The following SGCD variants were observed in gnomAD, a reference collection of about 807,000 sequenced individuals.
SGCD encodes sarcoglycan delta.
SGCD carries 18 observed loss-of-function variants against 36.6 expected under a neutral mutation model. The ratio of observed to expected loss-of-function variants is 0.49; its 90% CI spans 0.34 to 0.73. The LOEUF is 0.73. Among genes scored for constraint, SGCD ranks in the 30% least tolerant of loss-of-function variants. SGCD has a pLI of 0.01. For missense variants in SGCD, 387 were observed against 346.7 expected (o/e 1.12, Z -0.92); for synonymous variants, 133 against 130.6 (o/e 1.02, Z -0.12).
At chr5:155,744,684 C>T in the SGCD span, among the ~76,000 whole-genome samples, 1 of 152,188 alleles carries the variant, frequency 6.6e-6, no homozygotes, top group Middle Eastern at 3.4e-3. Flanking sequence ...AACAGGAAGA[C>T]ATTACCCCAG....
intron 3 of SGCD, among the ~76,000 whole-genome samples, chr5:156,449,677 C>CAAAAAAAAAAAAAA (rs397883573): frequency 2.8e-4 from 13 of 46,046 alleles, no homozygotes; most frequent in Admixed American, 9.1e-4. Flanking sequence ...ACTAAAAATA[C>CAAAAAAAAAAAAAA]AAAAAAAAAA....
chr5:156,181,968 C>T (rs6894870), intron 3 of SGCD, among the ~76,000 whole-genome samples: 4,008 of 152,208 alleles, frequency 0.026, 186 homozygotes, highest in African/African-American at 0.092. Flanking sequence ...AAATCATATG[C>T]GAGAGGCTTG....
rs1561685091 is a variant in SGCD at position 156,423,152 on chromosome 5, T to TTAATAATTAA, written c.192+78477_192+78478insATAATTAATA. Among the ~76,000 whole-genome samples, 11 of 80,522 alleles carry TTAATAATTAA rather than the reference T, an allele frequency of 1.4e-4. No homozygotes were observed. In the South Asian group the frequency reaches 3.4e-3, roughly 25 times the overall value. 52.8% of individuals were successfully genotyped at this position (80,522 alleles called of 152,430 possible). On this transcript the variant is annotated intron_variant, in intron 3 of 8. Transcript: ENST00000337851. ...TAATTAATAATTAATATTTAATTAATTATTTAAATATTATATTTAATATAA... is the reference window on the plus strand; with the variant it reads ...TAATTAATAATTAATATTTAATTAATTAATAATTAATATTTAAATATTATATTTAATATAA...
rs1766407257 is a variant in SGCD at position 156,279,895 on chromosome 5, G to A, written c.-43-49639G>A. On this transcript the variant is annotated intron_variant, in intron 3 of 9. Transcript: ENST00000517913. ...ACACCAAGTCATGATGGGTATCCCA[G>A]AAATAATTTACATAGGAATTTCCAC... 5.3e-5 allele frequency among the ~76,000 whole-genome samples: 8 copies of A among 152,084 alleles called. No homozygotes were observed. The South Asian group carries it at 1.7e-3, about 32-fold the overall frequency.
At chr5:156,181,921 C>G (rs186755805) in intron 3 of SGCD, among the ~76,000 whole-genome samples, 91 of 152,312 alleles carry the variant, frequency 6.0e-4, no homozygotes, top group Middle Eastern at 3.4e-3. Flanking sequence ...CTGAGCATGT[C>G]ATATGTAAAC....
At chr5:156,716,426 AG>A (rs1209631908) in intron 7 of SGCD, among the ~76,000 whole-genome samples, 1 of 152,182 alleles carries the variant, frequency 6.6e-6, no homozygotes, top group Non-Finnish European at 1.5e-5. Context: ...TGATTTCCAG[AG>A]GGGACTTGAA....
At chr5:155,787,762 A>G in the SGCD span, among the ~76,000 whole-genome samples, 3 of 152,270 alleles carry the variant, frequency 2.0e-5, no homozygotes, top group South Asian at 6.2e-4. Flanking sequence ...ACACCCATCT[A>G]CTGCAGCACT....
chr5:156,487,788 C>CAAAAAAAAAAAAA (rs56006984), intron 3 of SGCD, among the ~76,000 whole-genome samples: 1 of 41,388 alleles, frequency 2.4e-5, no homozygotes, highest in African/African-American at 6.0e-5. Context: ...ACTCTGTCAC[C>CAAAAAAAAAAAAA]AAAAAAAAAA....
chr5:156,424,921 T>C (rs1773601992), intron 3 of SGCD, among the ~76,000 whole-genome samples: 1 of 152,078 alleles, frequency 6.6e-6, no homozygotes, highest in Non-Finnish European at 1.5e-5. Flanking sequence ...AGGAACTTTT[T>C]TTATTGAGGC....
the SGCD span, among the ~76,000 whole-genome samples, chr5:155,775,591 T>A: frequency 6.6e-6 from 1 of 152,138 alleles, no homozygotes; most frequent in South Asian, 2.1e-4. Context: ...GCACAGCACT[T>A]TTACATACCT....
intron 6 of SGCD, among the ~76,000 whole-genome samples, chr5:156,635,228 G>T (rs1762780652): frequency 6.6e-6 from 1 of 151,940 alleles, no homozygotes; most frequent in Non-Finnish European, 1.5e-5. Context: ...GGCCCTAAAA[G>T]TTTTTTTAAA....
intron 4 of SGCD, among the ~76,000 whole-genome samples, chr5:156,588,401 C>A (rs761699449): frequency 6.6e-6 from 1 of 152,060 alleles, no homozygotes; most frequent in Non-Finnish European, 1.5e-5. Flanking sequence ...TACAGTCATA[C>A]CCTCTTTGTT....
chr5:156,504,708 G>A (rs575679724), intron 3 of SGCD, among the ~76,000 whole-genome samples: 3 of 152,192 alleles, frequency 2.0e-5, no homozygotes, highest in African/African-American at 7.2e-5. Flanking sequence ...AATCCAAGAA[G>A]TAACATAATA....
chr5:155,826,169 C>T, the SGCD span, among the ~76,000 whole-genome samples: 1 of 152,172 alleles, frequency 6.6e-6, no homozygotes, highest in African/African-American at 2.4e-5. Context: ...CCAAATCTGC[C>T]TATTGCTTTC....
At chr5:155,809,200 T>C in the SGCD span, among the ~76,000 whole-genome samples, 1 of 152,224 alleles carries the variant, frequency 6.6e-6, no homozygotes, top group Non-Finnish European at 1.5e-5. Flanking sequence ...ATAGTTTCTG[T>C]TGTTCTCAAG....
intron 1 of SGCD, among the ~76,000 whole-genome samples, chr5:155,978,727 A>T (rs925407367): frequency 4.6e-5 from 7 of 152,180 alleles, no homozygotes; most frequent in Admixed American, 1.3e-4. Context: ...CTTCAAACCT[A>T]TAAATATACT....
chr5:156,536,914 G>A (rs1487339157), intron 4 of SGCD, among the ~76,000 whole-genome samples: 4 of 152,140 alleles, frequency 2.6e-5, no homozygotes, highest in African/African-American at 9.7e-5. Flanking sequence ...TGTGCGAGCT[G>A]CTTTCCATAG....
At position 156,761,881 on chromosome 5, in the gene SGCD, C is replaced by A. The variant is rs1757505886; in HGVS notation, c.*2491C>A. The A allele has an allele frequency of 2.0e-5, 3 of 152,084 alleles. No individual in the cohort carries two copies. Among genetic ancestry groups the A allele is most frequent in the African/African-American group, 2.4e-5 (1 of 41,404 alleles). 9.4% of individuals were successfully genotyped at this position (152,084 alleles called of 1,614,324 possible). On this transcript the variant is annotated 3_prime_UTR_variant, in exon 9 of 9. Coordinates refer to ENST00000337851, the MANE Select transcript of SGCD (RefSeq NM_000337.6). ...GCAATCAACCATATAAATCAAGTAC[C>A]TATTGGGAACAGACATAACATTCAA... is the stretch of plus-strand genomic sequence containing the variant.
chr5:156,736,565 G>C (rs2113043684), intron 7 of SGCD, among the ~76,000 whole-genome samples: 1 of 152,192 alleles, frequency 6.6e-6, no homozygotes. Flanking sequence ...TCCTCTATGA[G>C]AGCTGGCAAT....
Sources: gnomAD v4.1 joint callset for allele counts (sites outside exome capture counted in the v4.1 genomes callset) on GRCh38, gnomAD v4.1.1 for gene constraint, MANE v1.5 for transcripts, NCBI Gene and HGNC (gene_info 2026-07-23, HGNC 2026-07-21) for gene names.